CCDC74A: variants seen among roughly 807,000 people sequenced by gnomAD.
The protein encoded by CCDC74A is coiled-coil domain containing 74A.
CCDC74A carries 38 observed loss-of-function variants against 37.6 expected under a neutral mutation model. The observed-to-expected ratio is 1.01, with a 90% CI of 0.78 to 1.33. CCDC74A has a LOEUF of 1.33. Among genes scored for constraint, CCDC74A ranks in the 40% most tolerant of loss-of-function variants. The pLI is 0.00. For missense variants in CCDC74A, 340 were observed against 403.4 expected (o/e 0.84, Z 1.35); for synonymous variants, 134 against 165.2 (o/e 0.81, Z 1.45).
chr2:131,523,176 G>A (rs562950449), upstream of CCDC74A, among the ~76,000 whole-genome samples: 2 of 152,268 alleles, frequency 1.3e-5, no homozygotes, highest in South Asian at 4.1e-4. Context: ...AAGTGCTAGG[G>A]TTACAGGTGT....
upstream of CCDC74A, among the ~76,000 whole-genome samples, chr2:131,522,691 C>T (rs577920242): frequency 4.1e-4 from 62 of 152,142 alleles, 1 homozygote; most frequent in Non-Finnish European, 3.4e-4. Flanking sequence ...GGATCCCATT[C>T]GTGGCCCACT....
chr2:131,530,053 A>C (rs753526087), intron 2 of CCDC74A: 1 of 1,550,344 alleles, frequency 6.5e-7, no homozygotes, highest in Non-Finnish European at 8.7e-7. Flanking sequence ...CAGGCCCAGG[A>C]TTTCCAGCCC....
Position 131,533,423 on chromosome 2 carries a change from G to C in CCDC74A, c.*25G>C, listed in dbSNP as rs1278226821. Reference sequence around the variant, plus strand: ...AGCCACCCCAATCTGGTCAGTGCCAGGCCCACCAACCTGCAGCTGGAGACT... The same window carrying C: ...AGCCACCCCAATCTGGTCAGTGCCACGCCCACCAACCTGCAGCTGGAGACT... On this transcript the variant is annotated 3_prime_UTR_variant, in exon 8 of 8. Transcript: ENST00000409856. The C allele has an allele frequency of 1.2e-6, 2 of 1,610,758 alleles. No individual in the cohort carries two copies. Among genetic ancestry groups the C allele is most frequent in the Admixed American group, 1.7e-5 (1 of 59,930 alleles).
chr2:131,533,308 A>G lies in CCDC74A; in HGVS notation c.849A>G (p.Ala283=), dbSNP rs189219021. The part of the protein sequence containing the change: ...PPVAERAILP[A]LKQTPKNNFA... ...TGGCGGAGCGTGCCATCCTGCCCGC[A>G]CTGAAGCAGACCCCGAAGAACAACT... is the stretch of plus-strand genomic sequence containing the variant. The change falls in exon 8 of 8, where the codon GCA becomes GCG. Residue 283 remains alanine, a synonymous_variant. Transcript: ENST00000409856. 31 of 1,613,176 alleles carry G rather than the reference A, an allele frequency of 1.9e-5. No individual in the cohort carries two copies. The highest frequency in any genetic ancestry group is 1.6e-4 in the East Asian group (7 of 44,878).
intron 2 of CCDC74A, 168 bp downstream of exon 2, chr2:131,529,859 A>T: frequency 6.7e-7 from 1 of 1,497,520 alleles, no homozygotes; most frequent in Non-Finnish European, 8.9e-7. Flanking sequence ...TGGCTGGACG[A>T]TGTTATGCAG....
intron 4 of CCDC74A, among the ~76,000 whole-genome samples, chr2:131,532,236 G>A (rs962288281): frequency 3.2e-5 from 4 of 123,734 alleles, no homozygotes; most frequent in South Asian, 5.6e-4. Flanking sequence ...GCTACAGAGT[G>A]CACACTTTCA....
At chr2:131,530,171 G>A (rs1680991488) in intron 2 of CCDC74A, 1 of 1,549,262 alleles carries the variant, frequency 6.5e-7, no homozygotes, top group Admixed American at 2.0e-5. Context: ...AAGGGAGGAA[G>A]CAGAGTCCTG....
chr2:131,530,132 C>T (rs1680985578), intron 2 of CCDC74A: 3 of 1,549,924 alleles, frequency 1.9e-6, no homozygotes, highest in African/African-American at 1.4e-5. Context: ...GGATCCCTTC[C>T]TGCCATCTGG....
chr2:131,524,779 T>C (rs1680233342), upstream of CCDC74A, among the ~76,000 whole-genome samples: 1 of 148,704 alleles, frequency 6.7e-6, no homozygotes, highest in Non-Finnish European at 1.5e-5. Context: ...AGCAACCACA[T>C]ACCAGGCACA....
chr2:131,533,664 C>G lies in CCDC74A; in HGVS notation c.*266C>G. ...ACTGAAAATAAAGCTTGTTTATTTC[C>G]AAGTTGTGTGCCTGGCTCCTCACTG... On this transcript the variant is annotated 3_prime_UTR_variant, in exon 8 of 8. Transcript: ENST00000409856. The G allele has an allele frequency of 4.2e-6, 2 of 479,302 alleles. No homozygotes were observed. The highest frequency in any genetic ancestry group is 6.9e-5 in the Admixed American group (2 of 29,036). The allele number at this position is 479,302 out of a possible 1,614,324, so 29.7% of individuals were successfully genotyped here. A position where few individuals can be genotyped will look rare whatever the true frequency, so the allele number is the denominator to read the frequency against.
At chr2:131,528,249 C>T in intron 1 of CCDC74A, 29 bp downstream of exon 1, 3 of 1,608,232 alleles carry the variant, frequency 1.9e-6, no homozygotes, top group Non-Finnish European at 2.5e-6. Context: ...CTAGGCCGGC[C>T]CTGCCTCCCC....
In CCDC74A at chr2:131,533,364, T is replaced by C. The variant is rs1419075750; in HGVS notation, c.905T>C (p.Met302Thr). 3 of 1,613,396 alleles carry C rather than the reference T, an allele frequency of 1.9e-6. No homozygotes were observed. Among genetic ancestry groups the C allele is most frequent in the Admixed American group, 1.7e-5 (1 of 60,000 alleles). ...GAGAGGCAGAAGAGGCTGCAGGCAA[T>C]GCAGAAACGGCGCCTGCATCGCTCA... is the stretch of plus-strand genomic sequence containing the variant. ...FAERQKRLQA[M>T]QKRRLHRSVL The change falls in exon 8 of 8, where the codon ATG becomes ACG. Residue 302 changes from methionine to threonine, a missense_variant. Physicochemically the swap from Met to Thr is moderately conservative, Grantham distance 81 (BLOSUM62 -1). This residue lies in a region of CCDC74A where 185 missense variants were observed against 231.5 expected (regional missense o/e 0.80). Coordinates refer to ENST00000409856, the MANE Select transcript of CCDC74A (RefSeq NM_001258306.3).
rs542934468 is a variant in CCDC74A, at chr2:131,530,806, G to C, written c.325G>C (p.Val109Leu). The change falls in exon 3 of 8, where the codon GTC (valine) becomes CTC (leucine). Residue 109 changes from valine (V) to leucine (L), a missense_variant. Around this residue, in one of 3 missense-constraint regions of CCDC74A, gnomAD observed 154 missense variants for 153.9 expected, o/e 1.00. Transcript: ENST00000409856. ...CCTCTCCATGTCAAGCTTCCAGTCT[G>C]TCAAGTCCATCTCTAATTCAGGTGA... Reference protein sequence around the residue: ...DSLSMSSFQSVKSISNSGKAR... With the variant: ...DSLSMSSFQSLKSISNSGKAR... 1.2e-6 allele frequency: 2 copies of C among 1,605,458 alleles called. No homozygotes were observed. Among genetic ancestry groups the C allele is most frequent in the Non-Finnish European group, 1.7e-6 (2 of 1,177,680 alleles).
rs1680485862 is a variant in CCDC74A at position 131,528,120 on chromosome 2, C to A, written c.150C>A (p.Asn50Lys). Residue 50 changes from asparagine to lysine, a missense_variant, in exon 1 of 8, where the codon AAC (asparagine) becomes AAA (lysine). This residue lies in a region of CCDC74A where 154 missense variants were observed against 153.9 expected (regional missense o/e 1.00). Transcript: ENST00000409856. The part of the protein sequence containing the change: ...QLRQSDPQKR[N>K]LDLEKSLQFL... Reference sequence around the variant, plus strand: ...GGCAGAGCGACCCGCAGAAACGGAACCTGGACCTGGAGAAAAGCCTGCAGT... The same window carrying A: ...GGCAGAGCGACCCGCAGAAACGGAAACTGGACCTGGAGAAAAGCCTGCAGT... 6.2e-7 allele frequency: 1 copy of A among 1,613,754 alleles called. No homozygotes were observed. The highest frequency in any genetic ancestry group is 1.3e-5 in the African/African-American group (1 of 74,928).
chr2:131,529,168 G>C lies in CCDC74A; in HGVS notation c.251-479G>C, dbSNP rs944374998. ...GGCCTCCTCTCCCGCCCCGTTCCCTGGTGCTGCCTTACCTGAGTGCCGAGT... is the reference window on the plus strand; with the variant it reads ...GGCCTCCTCTCCCGCCCCGTTCCCTCGTGCTGCCTTACCTGAGTGCCGAGT... On this transcript the variant is annotated intron_variant, in intron 1 of 7. Transcript: ENST00000409856. 7.1e-5 allele frequency: 17 copies of C among 238,522 alleles called. No individual in the cohort carries two copies. The South Asian group carries it at 1.0e-3, about 14-fold the overall frequency. The allele number at this position is 238,522 out of a possible 1,614,324, so 14.8% of individuals were successfully genotyped here. A position where few individuals can be genotyped will look rare whatever the true frequency, so the allele number is the denominator to read the frequency against.
chr2:131,532,918 G>A lies in CCDC74A; in HGVS notation c.733G>A (p.Glu245Lys). Residue 245 changes from glutamate to lysine, a missense_variant, in exon 6 of 8, where the codon GAG becomes AAG. This residue lies in a region of CCDC74A where 185 missense variants were observed against 231.5 expected (regional missense o/e 0.80). Transcript: ENST00000409856. ...GAGCCAGAGGCCCCAGGCAGCCCCG[G>A]AGGAAGCTAGCTTTCCCAGGTGAGT... ...EGSQRPQAAPEEASFPRDQEA... is the reference protein window; with the variant it reads ...EGSQRPQAAPKEASFPRDQEA... 6.2e-7 allele frequency: 1 copy of A among 1,613,696 alleles called. No individual in the cohort carries two copies. Among genetic ancestry groups the A allele is most frequent in the Non-Finnish European group, 8.5e-7 (1 of 1,179,732 alleles).
chr2:131,529,481 C>A, intron 1 of CCDC74A, 166 bp from the exon 2 acceptor site: 1 of 910,888 alleles, frequency 1.1e-6, no homozygotes, highest in Non-Finnish European at 1.8e-6. Flanking sequence ...GCCTGACACC[C>A]ACGACGAAGG....
intron 2 of CCDC74A, chr2:131,530,085 G>A (rs1680970415): frequency 1.3e-6 from 2 of 1,550,262 alleles, no homozygotes; most frequent in African/African-American, 1.4e-5. Flanking sequence ...GTCCTCACAT[G>A]CTGGGGGCCC....
chr2:131,532,799 G>T lies in CCDC74A; in HGVS notation c.678+18G>T, dbSNP rs774532043. 12 of 1,612,914 alleles carry T rather than the reference G, an allele frequency of 7.4e-6. No individual in the cohort carries two copies. In the African/African-American group the frequency reaches 1.6e-4, roughly 22 times the overall value. On this transcript the variant is annotated intron_variant, in intron 5 of 7. Coordinates refer to ENST00000409856, the MANE Select transcript of CCDC74A (RefSeq NM_001258306.3). ...CCCAAGAGGTGAGGCCCTGGGTGGT[G>T]GGGGTGGCCCTGGGCAGTCTGGCAC...
Sources: allele counts gnomAD v4.1 joint callset (sites outside exome capture counted in the v4.1 genomes callset), GRCh38; gene constraint gnomAD v4.1.1; regional missense constraint gnomAD v4.1.1; transcripts MANE v1.5; gene names NCBI Gene and HGNC (gene_info 2026-07-23, HGNC 2026-07-21).